STAG2: variants seen among roughly 807,000 people sequenced by gnomAD.
The protein encoded by STAG2 is cohesin subunit SA-2.
A neutral mutation model predicts 108.1 loss-of-function variants in STAG2; 14 were observed. The ratio of observed to expected loss-of-function variants is 0.13; its 90% confidence interval spans 0.09 to 0.20. STAG2 has a LOEUF of 0.20. Among genes scored for constraint, STAG2 ranks in the 10% least tolerant of loss-of-function variants. STAG2 has a pLI of 1.00. For synonymous variants in STAG2, 307 were observed against 302.7 expected, an observed-to-expected ratio of 1.01 and a Z score of -0.15; for missense variants, 440 against 940.9, an observed-to-expected ratio of 0.47 and a Z score of 6.96.
intron 5 of STAG2, among the ~76,000 whole-genome samples, chrX:124,036,037 T>C (rs1321829999): frequency 8.9e-6 from 1 of 112,614 alleles, no homozygotes; most frequent in East Asian, 2.8e-4. Context: ...GGAAAAATAC[T>C]GAGCACATTT....
chrX:124,086,027 G>C (rs1438436055), intron 29 of STAG2, among the ~76,000 whole-genome samples: 1 of 110,914 alleles, frequency 9.0e-6, no homozygotes, highest in Non-Finnish European at 1.9e-5. Context: ...TTGAATCATA[G>C]TTATGCTGCC....
intron 20 of STAG2, 52 bp downstream of exon 20, chrX:124,064,103 A>C: frequency 2.1e-6 from 2 of 930,656 alleles, no homozygotes; most frequent in Non-Finnish European, 3.0e-6. Context: ...CCTCTACTGC[A>C]GTAAGCTAAT....
At chrX:124,089,136 C>G (rs1055358204) in intron 30 of STAG2, among the ~76,000 whole-genome samples, 2 of 109,108 alleles carry the variant, frequency 1.8e-5, no homozygotes, top group Non-Finnish European at 3.8e-5. Context: ...GGCTCGAACT[C>G]CTGACCTCGT....
At chrX:124,063,034 G>A in intron 18 of STAG2, 40 bp downstream of exon 18, 1 of 1,177,144 alleles carries the variant, frequency 8.5e-7, no homozygotes, top group South Asian at 1.8e-5. Flanking sequence ...TAAGAAATGA[G>A]TTTTTTTTCC....
chrX:124,006,436 ATTTTTTTTT>A, intron 1 of STAG2, among the ~76,000 whole-genome samples: 1 of 64,194 alleles, frequency 1.6e-5, no homozygotes, highest in African/African-American at 5.7e-5. Flanking sequence ...TGTTGTCACT[ATTTTTTTTT>A]TTTTTTTTTT....
At chrX:124,087,710 A>C (rs2059140831) in intron 30 of STAG2, among the ~76,000 whole-genome samples, 1 of 112,644 alleles carries the variant, frequency 8.9e-6, no homozygotes, top group African/African-American at 3.2e-5. Flanking sequence ...TCTATTGGCC[A>C]AGCAATCACA....
chrX:124,062,750 G>T (rs1424079341), intron 17 of STAG2, 152 bp from the exon 18 acceptor site: 17 of 391,096 alleles, frequency 4.3e-5, no homozygotes, highest in Non-Finnish European at 6.3e-5. Context: ...TCTCTTTCAT[G>T]TCACTTTTAG....
chrX:123,979,494 C>T (rs771366290), intron 1 of STAG2, among the ~76,000 whole-genome samples: 3 of 111,381 alleles, frequency 2.7e-5, no homozygotes, highest in Non-Finnish European at 5.6e-5. Flanking sequence ...GCAAGCTGAT[C>T]CTGAAGTAAA....
rs770501306 is a variant in STAG2 at position 124,091,011 on chromosome X, C to G, written c.3578+47C>G. 13 of 896,457 alleles carry G rather than the reference C, an allele frequency of 1.5e-5. No individual in the cohort carries two copies. In the Admixed American group the frequency reaches 2.2e-4, roughly 15 times the overall value. 73.9% of individuals were successfully genotyped at this position (896,457 alleles called of 1,213,427 possible). ...TCTGAGTCTAGGAAGTTCACTAATT[C>G]ATTTTAACATTTTAATGTGTGCCTT... On this transcript the variant is annotated intron_variant, in intron 32 of 34. Transcript: ENST00000371145.
chrX:124,088,617 T>C lies in STAG2; in HGVS notation c.3277+1847T>C, dbSNP rs1275980295. On this transcript the variant is annotated intron_variant, in intron 30 of 34. Transcript: ENST00000371145. ...ACACATTTGCAAATATGTATAATCT[T>C]TTTTTTTTTTTTTTTTGATGGAGTT... Among the ~76,000 whole-genome samples, 90 of 78,321 alleles carry C rather than the reference T, an allele frequency of 1.1e-3. No homozygotes were observed. The East Asian group carries it at 0.02, about 18-fold the overall frequency. The allele number at this position is 78,321 out of a possible 115,157, so 68.0% of individuals were successfully genotyped here. A position where few individuals can be genotyped will look rare whatever the true frequency, so the allele number is the denominator to read the frequency against.
At chrX:124,037,503 T>A (rs376223006) in intron 5 of STAG2, 24 bp from the exon 6 acceptor site, 1 of 1,057,430 alleles carries the variant, frequency 9.5e-7, no homozygotes, top group Non-Finnish European at 1.3e-6. Flanking sequence ...AGCTAATGAT[T>A]TTATTTTTTT....
intron 24 of STAG2, among the ~76,000 whole-genome samples, chrX:124,069,183 G>T (rs145270050): frequency 2.5e-3 from 275 of 111,879 alleles, no homozygotes; most frequent in Non-Finnish European, 3.2e-3. Flanking sequence ...TTCAGTTCTC[G>T]AAATAGACTG....
chrX:123,981,883 G>C (rs1041982954), intron 1 of STAG2, among the ~76,000 whole-genome samples: 3 of 111,422 alleles, frequency 2.7e-5, no homozygotes, highest in Non-Finnish European at 3.8e-5. Context: ...ACAGAGTGCC[G>C]TGTGTATGTT....
At chrX:123,969,952 GT>G (rs749744551) in intron 1 of STAG2, among the ~76,000 whole-genome samples, 2,201 of 39,107 alleles carry the variant, frequency 0.056, 33 homozygotes, top group African/African-American at 0.09. Context: ...CGGTCTTCCT[GT>G]TTTTTTTTTT....
chrX:123,967,121 G>A (rs1473643847), intron 1 of STAG2, among the ~76,000 whole-genome samples: 2 of 110,751 alleles, frequency 1.8e-5, no homozygotes, highest in Non-Finnish European at 3.8e-5. Flanking sequence ...CTGACCTCAG[G>A]TGATCCACCC....
chrX:124,009,451 A>G (rs377031434), intron 1 of STAG2, among the ~76,000 whole-genome samples: 11 of 106,669 alleles, frequency 1.0e-4, no homozygotes, highest in African/African-American at 3.9e-4. Flanking sequence ...AGGTAGATAG[A>G]TAGATAGATA....
intron 15 of STAG2, among the ~76,000 whole-genome samples, chrX:124,059,286 C>A (rs1167487429): frequency 1.8e-5 from 2 of 112,509 alleles, no homozygotes. Flanking sequence ...TGCTGCACTC[C>A]AGCTTGGGTG....
In STAG2 at chrX:123,985,964, G is replaced by T. The variant is rs754028879; in HGVS notation, c.-163+24108G>T. On this transcript the variant is annotated intron_variant, in intron 1 of 34. Transcript: ENST00000371145. Reference sequence around the variant, plus strand: ...CTGGGACATATATCCTGTGTTCTCTGGTTCTGGTTCTGTGTTTTTTAGAAC... The same window carrying T: ...CTGGGACATATATCCTGTGTTCTCTTGTTCTGGTTCTGTGTTTTTTAGAAC... Among the ~76,000 whole-genome samples the T allele has an allele frequency of 8.3e-5, 9 of 108,184 alleles. No individual in the cohort carries two copies. In the South Asian group the frequency reaches 3.6e-3, roughly 43 times the overall value. The allele number at this position is 108,184 out of a possible 115,157, so 93.9% of individuals were successfully genotyped here.
intron 1 of STAG2, among the ~76,000 whole-genome samples, chrX:124,006,289 A>T (rs1040507050): frequency 1.8e-5 from 2 of 111,167 alleles, no homozygotes; most frequent in Admixed American, 9.6e-5. Context: ...GCTCAGGTGT[A>T]AGGTTACTGG....
Sources: allele counts gnomAD v4.1 joint callset (sites outside exome capture counted in the v4.1 genomes callset), GRCh38; gene constraint gnomAD v4.1.1; transcripts MANE v1.5; gene names NCBI Gene and HGNC (gene_info 2026-07-23, HGNC 2026-07-21).